The following TRIM11 variants were observed in gnomAD, a reference collection of about 807,000 sequenced individuals.
TRIM11 encodes the protein E3 ubiquitin-protein ligase TRIM11.
TRIM11 carries 15 observed loss-of-function variants against 33.4 expected under a neutral mutation model. That is an observed-to-expected ratio of 0.45 (90% CI 0.30 to 0.69). The LOEUF (loss-of-function observed/expected upper bound fraction) is 0.69, where lower values mean the gene tolerates loss of function less well. TRIM11 is among the 30% of genes least tolerant of loss of function. The pLI is 0.08. For missense variants in TRIM11, 499 were observed against 667.6 expected (o/e 0.75, Z 2.78); for synonymous variants, 281 against 302.6 (o/e 0.93, Z 0.74).
intron 3 of TRIM11, 40 bp from the exon 4 acceptor site, chr1:228,397,205 C>A (rs765714053): frequency 6.2e-7 from 1 of 1,601,762 alleles, no homozygotes; most frequent in South Asian, 1.1e-5. Flanking sequence ...GTGTCAGTGA[C>A]CATCGCTTGC....
chr1:228,396,727 C>G (rs1261107063), intron 5 of TRIM11: 2 of 718,314 alleles, frequency 2.8e-6, no homozygotes, highest in Non-Finnish European at 5.2e-6. Flanking sequence ...TCCTTGGATA[C>G]CCAATTCGTT....
intron 5 of TRIM11, chr1:228,396,153 A>C (rs1574082818): frequency 6.4e-6 from 1 of 155,782 alleles, no homozygotes; most frequent in Admixed American, 6.2e-5. Flanking sequence ...TGAGGTGGGG[A>C]CCTGAGAGCC....
In TRIM11 at chr1:228,406,094, CAGGCCTCCCCAGT is replaced by C; in HGVS notation, c.408+47_408+59del. On this transcript the variant is annotated intron_variant, in intron 1 of 5. Coordinates refer to ENST00000284551, the MANE Select transcript of TRIM11 (RefSeq NM_145214.3). This position sits in a 1 kb window ranked among gnomAD's most constrained non-coding sequence, Gnocchi z 8.2. ...CAGTCCCCCAAACCTCCCACCCGCC[CAGGCCTCCCCAGT>C]CCCCGGCTCCCCGACGCCCCTGCAC... 2.3e-6 allele frequency: 3 copies of C among 1,312,338 alleles called. No homozygotes were observed. Among genetic ancestry groups the C allele is most frequent in the Non-Finnish European group, 2.9e-6 (3 of 1,026,522 alleles). 81.3% of individuals were successfully genotyped at this position (1,312,338 alleles called of 1,614,324 possible).
chr1:228,400,857 CCAGA>C lies in TRIM11; in HGVS notation c.735+103_735+106del. On this transcript the variant is annotated intron_variant, in intron 3 of 5. Transcript: ENST00000284551. This position sits in a 1 kb window ranked among gnomAD's most constrained non-coding sequence, Gnocchi z 4.5. ...CCAGCCATGCCATTCACCTCTCAGC[CCAGA>C]CAACCTCTCTGCCCCTGCTTCTTGC... The C allele has an allele frequency of 7.0e-7, 1 of 1,427,008 alleles. No homozygotes were observed. Among genetic ancestry groups the C allele is most frequent in the Non-Finnish European group, 9.1e-7 (1 of 1,094,084 alleles). The allele number at this position is 1,427,008 out of a possible 1,614,324, so 88.4% of individuals were successfully genotyped here.
At chr1:228,397,194 G>A (rs768944511) in intron 3 of TRIM11, 29 bp from the exon 4 acceptor site, 19 of 1,606,088 alleles carry the variant, frequency 1.2e-5, no homozygotes, top group African/African-American at 1.1e-4. Flanking sequence ...CAGCACACTC[G>A]GTGTCAGTGA....
intron 1 of TRIM11, chr1:228,405,521 T>G (rs503391): frequency 0.13 from 19,910 of 151,392 alleles, 1,587 homozygotes; most frequent in East Asian, 0.34. Flanking sequence ...TCAGCTCGGG[T>G]TTTATTTGGG....
At chr1:228,399,898 A>C (rs571198930) in intron 3 of TRIM11, among the ~76,000 whole-genome samples, 44 of 150,928 alleles carry the variant, frequency 2.9e-4, no homozygotes, top group South Asian at 4.2e-4. Context: ...AAACAAAAAA[A>C]AAAAAACAAA....
Position 228,401,303 on chromosome 1 carries a change from A to AC in TRIM11, c.505-110dup. The AC allele has an allele frequency of 7.4e-7, 1 of 1,346,178 alleles. No individual in the cohort carries two copies. The highest frequency in any genetic ancestry group is 1.0e-6 in the Non-Finnish European group (1 of 997,374). The allele number at this position is 1,346,178 out of a possible 1,614,324, so 83.4% of individuals were successfully genotyped here. ...CAGAGGCCTGGCTGCACCCAACCCC[A>AC]CCCCCGGGGCCTGCTAAAGCCAAAG... On this transcript the variant is annotated intron_variant, in intron 2 of 5. Transcript: ENST00000284551. The surrounding 1 kb of genome is among the most constrained non-coding windows in gnomAD (Gnocchi z 6.1).
At position 228,400,833 on chromosome 1, in the gene TRIM11, C is replaced by T. The variant is rs1656183096; in HGVS notation, c.735+131G>A. The T allele has an allele frequency of 5.0e-6, 7 of 1,408,750 alleles. No homozygotes were observed. The highest frequency in any genetic ancestry group is 1.5e-5 in the South Asian group (1 of 65,572). The allele number at this position is 1,408,750 out of a possible 1,614,324, so 87.3% of individuals were successfully genotyped here. On this transcript the variant is annotated intron_variant, in intron 3 of 5. Coordinates refer to ENST00000284551, the MANE Select transcript of TRIM11 (RefSeq NM_145214.3). The surrounding 1 kb of genome is among the most constrained non-coding windows in gnomAD (Gnocchi z 4.5). ...TTCACAGGCAACAGCCAGGCACATC[C>T]AGCCATGCCATTCACCTCTCAGCCC...
chr1:228,398,182 T>C lies in TRIM11; in HGVS notation c.736-1017A>G, dbSNP rs111764395. On this transcript the variant is annotated intron_variant, in intron 3 of 5. Coordinates refer to ENST00000284551, the MANE Select transcript of TRIM11 (RefSeq NM_145214.3). ...AATAGACGATCCCACACCATGTTCA[T>C]TCTAACACACGTGGTGCCAGCTACC... Among the ~76,000 whole-genome samples, 1,383 of 152,304 alleles carry C rather than the reference T, an allele frequency of 9.1e-3. 3 individuals are homozygous for C. Among genetic ancestry groups the C allele is most frequent in the Non-Finnish European group, 0.015 (1,015 of 68,026 alleles).
intron 5 of TRIM11, chr1:228,396,668 T>A (rs144813618): frequency 1.4e-6 from 1 of 717,058 alleles, no homozygotes; most frequent in African/African-American, 1.7e-5. Flanking sequence ...GGGTCTGTAC[T>A]AACTCCTGTA....
At chr1:228,396,867 C>G in intron 5 of TRIM11, 80 bp downstream of exon 5, 1 of 1,362,880 alleles carries the variant, frequency 7.3e-7, no homozygotes, top group Non-Finnish European at 1.1e-6. Context: ...TGGCAGGGCA[C>G]AGAACACGTG....
rs1026891557 is a variant in TRIM11 at position 228,395,401 on chromosome 1, C to T, written c.860-149G>A. The T allele has an allele frequency of 5.7e-6, 4 of 707,010 alleles. No homozygotes were observed. Among genetic ancestry groups the T allele is most frequent in the African/African-American group, 3.7e-5 (2 of 54,684 alleles). 43.8% of individuals were successfully genotyped at this position (707,010 alleles called of 1,614,324 possible). A position where few individuals can be genotyped will look rare whatever the true frequency, so the allele number is the denominator to read the frequency against. ...GTAGCCTCACAACCTCCTGGAGTAA[C>T]TAACTGTCTCCAAGTGGACATCCTC... On this transcript the variant is annotated intron_variant, in intron 5 of 5. Transcript: ENST00000284551. The surrounding 1 kb of genome is among the most constrained non-coding windows in gnomAD (Gnocchi z 4.8).
At position 228,395,284 on chromosome 1, in the gene TRIM11, C is replaced by T; in HGVS notation, c.860-32G>A. The T allele has an allele frequency of 7.0e-7, 1 of 1,420,956 alleles. No individual in the cohort carries two copies. Among genetic ancestry groups the T allele is most frequent in the Non-Finnish European group, 9.2e-7 (1 of 1,091,280 alleles). 88.0% of individuals were successfully genotyped at this position (1,420,956 alleles called of 1,614,324 possible). On this transcript the variant is annotated intron_variant, in intron 5 of 5. Transcript: ENST00000284551. This position sits in a 1 kb window ranked among gnomAD's most constrained non-coding sequence, Gnocchi z 4.8. ...AGAGAGGCCCAAGGTCACCCAGGCA[C>T]AGCCACAGGCAAGCTGGGGCCATCT... is the stretch of plus-strand genomic sequence containing the variant.
Position 228,401,663 on chromosome 1 carries a change from C to T in TRIM11, c.504+403G>A, listed in dbSNP as rs1656229924. 6.6e-6 allele frequency among the ~76,000 whole-genome samples: 1 copy of T among 152,118 alleles called. No individual in the cohort carries two copies. Among genetic ancestry groups the T allele is most frequent in the African/African-American group, 2.4e-5 (1 of 41,404 alleles). On this transcript the variant is annotated intron_variant, in intron 2 of 5. Transcript: ENST00000284551. The surrounding 1 kb of genome is among the most constrained non-coding windows in gnomAD (Gnocchi z 6.1). Reference sequence around the variant, plus strand: ...GGCTTCCCAGATCCCAAATCCACCACCCAGAGCCTCCCAGACCCCAAATCT... The same window carrying T: ...GGCTTCCCAGATCCCAAATCCACCATCCAGAGCCTCCCAGACCCCAAATCT...
Position 228,401,248 on chromosome 1 carries a change from C to T in TRIM11, c.505-54G>A. On this transcript the variant is annotated intron_variant, in intron 2 of 5. Coordinates refer to ENST00000284551, the MANE Select transcript of TRIM11 (RefSeq NM_145214.3). This position sits in a 1 kb window ranked among gnomAD's most constrained non-coding sequence, Gnocchi z 6.1. Reference sequence around the variant, plus strand: ...AGGCCAGACCCCAGGCCCAGCCAGACCCCAAGTTTGGTCAGACCCCAAGCC... The same window carrying T: ...AGGCCAGACCCCAGGCCCAGCCAGATCCCAAGTTTGGTCAGACCCCAAGCC... 1.9e-6 allele frequency: 3 copies of T among 1,572,298 alleles called. No individual in the cohort carries two copies. Among genetic ancestry groups the T allele is most frequent in the South Asian group, 1.2e-5 (1 of 85,114 alleles).
intron 1 of TRIM11, chr1:228,404,241 G>T (rs896224815): frequency 9.2e-5 from 14 of 152,302 alleles, no homozygotes; most frequent in Admixed American, 7.2e-4. Context: ...AGATCTGGGG[G>T]CCATCTTCTC....
At position 228,398,921 on chromosome 1, in the gene TRIM11, G is replaced by GTTTGGTCTC. The variant is rs1278413164; in HGVS notation, c.736-1765_736-1757dup. Among the ~76,000 whole-genome samples, 3 of 152,044 alleles carry GTTTGGTCTC rather than the reference G, an allele frequency of 2.0e-5. No homozygotes were observed. The South Asian group carries it at 6.2e-4, about 32-fold the overall frequency. The stretch of plus-strand genomic sequence containing the variant: ...GGAGAACCTTGGCCTCGACAAGGGG[G>GTTTGGTCTC]TTTGGTCTCTGCACAGAACACGGGC... On this transcript the variant is annotated intron_variant, in intron 3 of 5. Coordinates refer to ENST00000284551, the MANE Select transcript of TRIM11 (RefSeq NM_145214.3).
In TRIM11 at chr1:228,402,095, G is replaced by A. The variant is rs774272230; in HGVS notation, c.475C>T (p.Gln159Ter). 2 of 1,613,266 alleles carry A rather than the reference G, an allele frequency of 1.2e-6. No homozygotes were observed. Among genetic ancestry groups the A allele is most frequent in the Non-Finnish European group, 8.5e-7 (1 of 1,179,594 alleles). ...QMQDALLFQA[Q>*]ADETCVLWQK... ...CACAAGACGCAGGTCTCATCCGCCT[G>A]GGCTTGGAACAGCAACGCATCCTGC... Residue 159 changes from glutamine to a stop codon, truncating the protein, a stop_gained, in exon 2 of 6, where the codon CAG (glutamine) becomes TAG (stop). Transcript: ENST00000284551. LOFTEE classifies it high-confidence loss of function.
Sources: gnomAD v4.1 joint callset for allele counts (sites outside exome capture counted in the v4.1 genomes callset) on GRCh38, gnomAD v4.1.1 for gene constraint, Gnocchi (gnomAD v3.1) non-coding constraint, MANE v1.5 for transcripts, NCBI Gene and HGNC (gene_info 2026-07-23, HGNC 2026-07-21) for gene names.